SHISAL1: variants seen among roughly 807,000 people sequenced by gnomAD.
The protein encoded by SHISAL1 is protein shisa-like-1.
In SHISAL1, 9 loss-of-function variants were observed where a neutral mutation model predicts 22.6. That is an observed-to-expected ratio of 0.40 (90% CI 0.24 to 0.70). The LOEUF is 0.70. Ranked by LOEUF, SHISAL1 falls within the 30% of genes least tolerant of loss-of-function variation. The probability of loss-of-function intolerance (pLI) is 0.39; values close to 1 mark genes in which losing one functional copy is unlikely to be tolerated. For synonymous variants in SHISAL1, 119 were observed against 115.4 expected (o/e 1.03, Z -0.20); for missense variants, 246 against 270.6 (o/e 0.91, Z 0.64).
At chr22:44,249,830 G>T (rs1225003148) in intron 4 of SHISAL1, 145 bp from the exon 5 acceptor site, 1 of 655,516 alleles carries the variant, frequency 1.5e-6, no homozygotes, top group Admixed American at 2.6e-5. Context: ...GTGACTTTAA[G>T]ACTGGAAGAA....
chr22:44,330,527 G>A, the SHISAL1 span, among the ~76,000 whole-genome samples: 2 of 152,182 alleles, frequency 1.3e-5, no homozygotes, highest in Non-Finnish European at 2.9e-5. Context: ...TGGCCCCAGG[G>A]GTGAGGCTGG....
intron 2 of SHISAL1, among the ~76,000 whole-genome samples, chr22:44,297,680 C>T (rs1027089608): frequency 1.3e-5 from 2 of 152,232 alleles, no homozygotes; most frequent in African/African-American, 2.4e-5. Flanking sequence ...ATGGTATTTA[C>T]GAGTCGTGCC....
rs966534630 is a variant in SHISAL1 at position 44,245,530 on chromosome 22, C to T, written c.*4155G>A. On this transcript the variant is annotated 3_prime_UTR_variant, in exon 5 of 5. Coordinates refer to ENST00000381176, the MANE Select transcript of SHISAL1 (RefSeq NM_001099294.2). ...AATTAAAAAATTTTACAAGTCTGCA[C>T]CCCCGGGGACCCCGTCTCCTTGAAT... 1 of 152,250 alleles carries T rather than the reference C, an allele frequency of 6.6e-6. No individual in the cohort carries two copies. Among genetic ancestry groups the T allele is most frequent in the African/African-American group, 2.4e-5 (1 of 41,460 alleles). The allele number at this position is 152,250 out of a possible 1,614,324, so 9.4% of individuals were successfully genotyped here.
the SHISAL1 span, among the ~76,000 whole-genome samples, chr22:44,329,367 C>T: frequency 1.3e-5 from 2 of 152,170 alleles, no homozygotes; most frequent in Admixed American, 1.3e-4. Flanking sequence ...ACTGGCCCTG[C>T]CCCCTACCCC....
At chr22:44,290,047 C>A (rs1478123289) in intron 3 of SHISAL1, among the ~76,000 whole-genome samples, 12 of 152,196 alleles carry the variant, frequency 7.9e-5, no homozygotes, top group Admixed American at 7.9e-4. Flanking sequence ...TCCCGGGGCA[C>A]AGGAGCAGAT....
intron 4 of SHISAL1, among the ~76,000 whole-genome samples, chr22:44,282,521 T>C (rs2055283684): frequency 6.6e-6 from 1 of 152,170 alleles, no homozygotes; most frequent in African/African-American, 2.4e-5. Context: ...GATGTGGGTG[T>C]GTCTGCAGCT....
chr22:44,261,953 A>G (rs980911222), intron 4 of SHISAL1, among the ~76,000 whole-genome samples: 19 of 152,002 alleles, frequency 1.2e-4, no homozygotes, highest in African/African-American at 4.1e-4. Flanking sequence ...TAGGCCTTCC[A>G]TAAGCTGGAA....
intron 4 of SHISAL1, among the ~76,000 whole-genome samples, chr22:44,275,161 G>C (rs1601787452): frequency 6.6e-6 from 1 of 152,334 alleles, no homozygotes; most frequent in East Asian, 1.9e-4. Flanking sequence ...CTCCTCTGGT[G>C]GGGAGTGGTT....
At chr22:44,319,357 A>C in the SHISAL1 span, among the ~76,000 whole-genome samples, 1 of 152,160 alleles carries the variant, frequency 6.6e-6, no homozygotes, top group Non-Finnish European at 1.5e-5. Context: ...CTTGGACCCG[A>C]GCTGGTTGGG....
chr22:44,286,494 A>C (rs1569218630), intron 3 of SHISAL1, among the ~76,000 whole-genome samples: 1 of 152,114 alleles, frequency 6.6e-6, no homozygotes, highest in East Asian at 1.9e-4. Context: ...CACTGCAGAC[A>C]GGGTCTGCGC....
intron 2 of SHISAL1, among the ~76,000 whole-genome samples, chr22:44,297,762 G>T (rs919182852): frequency 6.6e-6 from 1 of 152,260 alleles, no homozygotes. Flanking sequence ...GCTCTCTCAG[G>T]CTTAATTAGT....
intron 4 of SHISAL1, among the ~76,000 whole-genome samples, chr22:44,269,705 A>T (rs1320370366): frequency 2.7e-5 from 4 of 149,828 alleles, no homozygotes; most frequent in Non-Finnish European, 5.9e-5. Context: ...ACACACTCAC[A>T]ACACATACAC....
intron 4 of SHISAL1, among the ~76,000 whole-genome samples, chr22:44,257,717 G>A (rs73888945): frequency 2.6e-5 from 4 of 152,306 alleles, no homozygotes; most frequent in African/African-American, 2.4e-5. Flanking sequence ...AAAGGGACTC[G>A]CCACCGTGCT....
chr22:44,275,421 A>G (rs135407), intron 4 of SHISAL1, among the ~76,000 whole-genome samples: 105,820 of 152,140 alleles, frequency 0.7, 37,066 homozygotes, highest in Admixed American at 0.78. Flanking sequence ...AGTTTCGGGA[A>G]GCTCCTGGGC....
chr22:44,280,209 G>A (rs868097867), intron 4 of SHISAL1, among the ~76,000 whole-genome samples: 2 of 152,168 alleles, frequency 1.3e-5, no homozygotes. Flanking sequence ...AATCTGCAAG[G>A]GATTTGAGGG....
At chr22:44,293,556 G>C (rs1204950524) in intron 3 of SHISAL1, among the ~76,000 whole-genome samples, 1 of 152,134 alleles carries the variant, frequency 6.6e-6, no homozygotes, top group Non-Finnish European at 1.5e-5. Flanking sequence ...CGCTCAGGGG[G>C]CCTCTCCTCA....
At chr22:44,289,192 T>C (rs1480997816) in intron 3 of SHISAL1, among the ~76,000 whole-genome samples, 1 of 152,112 alleles carries the variant, frequency 6.6e-6, no homozygotes, top group African/African-American at 2.4e-5. Context: ...ATGTCACACA[T>C]GAGGAAATGA....
the SHISAL1 span, among the ~76,000 whole-genome samples, chr22:44,321,481 T>C: frequency 8.0e-6 from 1 of 124,566 alleles, no homozygotes; most frequent in African/African-American, 4.0e-5. Flanking sequence ...CCTTTCCTAC[T>C]GGCAGAATTG....
chr22:44,261,989 G>GGCTGGGT (rs139473165), intron 4 of SHISAL1, among the ~76,000 whole-genome samples: 15 of 44,574 alleles, frequency 3.4e-4, no homozygotes, highest in Non-Finnish European at 6.2e-4. Flanking sequence ...CCAGGGCCTG[G>GGCTGGGT]GCTGGGGGCT....
Sources: gnomAD v4.1 joint callset for allele counts (sites outside exome capture counted in the v4.1 genomes callset) on GRCh38, gnomAD v4.1.1 for gene constraint, MANE v1.5 for transcripts, NCBI Gene and HGNC (gene_info 2026-07-23, HGNC 2026-07-21) for gene names.